PATJ: variants seen among roughly 807,000 people sequenced by gnomAD.
PATJ encodes PATJ crumbs cell polarity complex component.
PATJ carries 190 observed loss-of-function variants against 224.9 expected under a neutral mutation model. That is an observed-to-expected ratio of 0.84 (90% CI 0.75 to 0.95). PATJ has a LOEUF of 0.95. Ranked by LOEUF, PATJ falls within the 40% of genes least tolerant of loss-of-function variation. The pLI, the probability that PATJ is intolerant of heterozygous loss-of-function variation, is 0.00. For synonymous variants in PATJ, 769 were observed against 820.3 expected (o/e 0.94, Z 1.07); for missense variants, 2,121 against 2,270.3 (o/e 0.93, Z 1.34).
chr1:61,936,216 C>A (rs181420876), intron 27 of PATJ, among the ~76,000 whole-genome samples: 3 of 150,336 alleles, frequency 2.0e-5, no homozygotes, highest in African/African-American at 7.4e-5. Context: ...AAATTCATTT[C>A]ACATATAAAA....
At chr1:62,117,267 G>A (rs1426258732) in intron 37 of PATJ, 49 bp downstream of exon 37, 1 of 1,610,776 alleles carries the variant, frequency 6.2e-7, no homozygotes, top group Non-Finnish European at 8.5e-7. Flanking sequence ...GCCCCCACTG[G>A]GAGAAAGTTC....
rs528801131 is a variant in PATJ at position 62,133,508 on chromosome 1, GAGAGT to G, written c.5271+4568_5271+4572del. ...GAGGCAGGAGAACAGCTTGAACCCG[GAGAGT>G]AGAGGTTGCAGTAGCCGAGATTGCA... is the stretch of plus-strand genomic sequence containing the variant. On this transcript the variant is annotated intron_variant, in intron 41 of 43. Transcript: ENST00000642238. Among the ~76,000 whole-genome samples, 139 of 152,304 alleles carry G rather than the reference GAGAGT, an allele frequency of 9.1e-4. 2 individuals carry two copies. The highest frequency in any genetic ancestry group is 3.3e-3 in the African/African-American group (136 of 41,570).
intron 29 of PATJ, among the ~76,000 whole-genome samples, chr1:62,035,232 C>G (rs1236426740): frequency 4.6e-5 from 7 of 152,172 alleles, no homozygotes; most frequent in Admixed American, 1.3e-4. Context: ...GCTCAAGGCA[C>G]CTGAAATGCA....
chr1:61,830,081 G>A (rs1659034462), intron 16 of PATJ, among the ~76,000 whole-genome samples: 1 of 152,060 alleles, frequency 6.6e-6, no homozygotes, highest in Non-Finnish European at 1.5e-5. Flanking sequence ...TTAAGATCTG[G>A]ACCAATCCTA....
At chr1:61,790,997 CCTTAAGGTCCCCTGCATT>C (rs1649739481) in intron 8 of PATJ, among the ~76,000 whole-genome samples, 1 of 152,222 alleles carries the variant, frequency 6.6e-6, no homozygotes, top group African/African-American at 2.4e-5. Context: ...TCTTTCGGCT[CCTTAAGGTCCCCTGCATT>C]CCTTGTCACG....
intron 27 of PATJ, among the ~76,000 whole-genome samples, chr1:61,988,071 C>T (rs1305272527): frequency 6.6e-6 from 1 of 152,044 alleles, no homozygotes; most frequent in Non-Finnish European, 1.5e-5. Flanking sequence ...TGGTGGCGCA[C>T]TCCTGTGATC....
chr1:61,893,500 T>TC (rs1491298614), intron 22 of PATJ, among the ~76,000 whole-genome samples: 3 of 130,022 alleles, frequency 2.3e-5, no homozygotes, highest in African/African-American at 8.8e-5. Flanking sequence ...TTTTTTTTTT[T>TC]CGCCAATTAA....
chr1:61,805,456 C>A lies in PATJ; in HGVS notation c.1558C>A (p.Pro520Thr). The change falls in exon 13 of 44, where the codon CCA becomes ACA. Residue 520 changes from proline to threonine, a missense_variant. Coordinates refer to ENST00000642238, the MANE Select transcript of PATJ (RefSeq NM_001350145.3). ...TTTTTTTTAATATCCAGAAAAAGTC[C>A]CAGACTCTCCAGAAAATGAGCTGAA... is the stretch of plus-strand genomic sequence containing the variant. ...IQALEKLEKV[P>T]DSPENELKSR... The A allele has an allele frequency of 1.2e-6, 2 of 1,602,116 alleles. No individual in the cohort carries two copies. Among genetic ancestry groups the A allele is most frequent in the Non-Finnish European group, 1.7e-6 (2 of 1,169,416 alleles).
intron 9 of PATJ, among the ~76,000 whole-genome samples, chr1:61,794,819 C>A (rs1188968591): frequency 6.6e-6 from 1 of 151,942 alleles, no homozygotes; most frequent in Non-Finnish European, 1.5e-5. Flanking sequence ...GAAACCCCAT[C>A]TCTACTAAAA....
intron 29 of PATJ, among the ~76,000 whole-genome samples, chr1:62,021,463 A>C (rs1158910332): frequency 6.6e-6 from 1 of 152,196 alleles, no homozygotes; most frequent in Non-Finnish European, 1.5e-5. Flanking sequence ...TGTGGCATAT[A>C]ATGAGTGTTC....
rs200239972 is a variant in PATJ at position 61,908,481 on chromosome 1, G to A, written c.3491G>A (p.Arg1164Gln). ...FIVQSLSSTP[R>Q]VIPNVHNKAN... ...GTTCAGAGTTTGTCATCCACTCCACGAGTAAGTTTTAGTTCATATTTTCAA... is the reference window on the plus strand; with the variant it reads ...GTTCAGAGTTTGTCATCCACTCCACAAGTAAGTTTTAGTTCATATTTTCAA... The change falls in exon 25 of 44, where the codon CGA becomes CAA. Residue 1164 changes from arginine (R) to glutamine (Q), a missense_variant and splice_region_variant. Transcript: ENST00000642238. 72 of 1,601,586 alleles carry A rather than the reference G, an allele frequency of 4.5e-5. No homozygotes were observed. The highest frequency in any genetic ancestry group is 5.7e-5 in the Non-Finnish European group (67 of 1,168,902).
chr1:62,007,821 C>G (rs931882726), intron 28 of PATJ, among the ~76,000 whole-genome samples: 1 of 152,152 alleles, frequency 6.6e-6, no homozygotes, highest in Non-Finnish European at 1.5e-5. Context: ...CACTAATTTC[C>G]TCTATGAGGG....
At chr1:62,081,344 A>G (rs1180809547) in intron 32 of PATJ, among the ~76,000 whole-genome samples, 2 of 152,164 alleles carry the variant, frequency 1.3e-5, no homozygotes, top group African/African-American at 4.8e-5. Flanking sequence ...TTACTCATCT[A>G]CTTACCAAGC....
At chr1:61,955,077 T>C (rs929613646) in intron 27 of PATJ, among the ~76,000 whole-genome samples, 1 of 152,152 alleles carries the variant, frequency 6.6e-6, no homozygotes, top group Non-Finnish European at 1.5e-5. Flanking sequence ...TTAAGATCCT[T>C]GTATAGTGTG....
In PATJ at chr1:61,914,603, A is replaced by C. The variant is rs139209263; in HGVS notation, c.3509A>C (p.His1170Pro). 264 of 1,566,866 alleles carry C rather than the reference A, an allele frequency of 1.7e-4. No homozygotes were observed. The highest frequency in any genetic ancestry group is 4.1e-4 in the South Asian group (37 of 89,732). The change falls in exon 26 of 44, where the codon CAT becomes CCT. Residue 1170 changes from histidine to proline, a missense_variant. Physicochemically the swap from His to Pro is moderately conservative, Grantham distance 77. Transcript: ENST00000642238. ...SSTPRVIPNV[H>P]NKANKITGNQ... ...TCACCATAGGTCATTCCTAACGTAC[A>C]TAACAAGGCCAACAAAATCACCGGT...
chr1:61,743,713 G>A (rs1015523723), intron 1 of PATJ, among the ~76,000 whole-genome samples: 5 of 152,176 alleles, frequency 3.3e-5, no homozygotes, highest in African/African-American at 1.2e-4. Context: ...GTGAGATTGA[G>A]CCTTTTAGCT....
intron 41 of PATJ, among the ~76,000 whole-genome samples, chr1:62,144,179 G>GT (rs1213485205): frequency 6.6e-6 from 1 of 152,108 alleles, no homozygotes; most frequent in South Asian, 2.1e-4. Flanking sequence ...TCATGCAGTG[G>GT]TATTTCCAGA....
intron 41 of PATJ, among the ~76,000 whole-genome samples, chr1:62,144,771 A>ACATATATATATATATATAT (rs1439255158): frequency 1.2e-4 from 9 of 73,342 alleles, no homozygotes; most frequent in Admixed American, 5.0e-4. Flanking sequence ...ATTTGCAAAA[A>ACATATATATATATATATAT]AAAAAAATAT....
At chr1:62,132,141 C>A (rs566896272) in intron 41 of PATJ, among the ~76,000 whole-genome samples, 37 of 152,220 alleles carry the variant, frequency 2.4e-4, no homozygotes, top group Non-Finnish European at 4.9e-4. Flanking sequence ...AGCCACCACG[C>A]CCAGCTGAAT....
Sources: gnomAD v4.1 joint callset for allele counts (sites outside exome capture counted in the v4.1 genomes callset) on GRCh38, gnomAD v4.1.1 for gene constraint, MANE v1.5 for transcripts, NCBI Gene and HGNC (gene_info 2026-07-23, HGNC 2026-07-21) for gene names.